AXDND1: variants seen among roughly 807,000 people sequenced by gnomAD.
AXDND1 encodes axonemal dynein light chain domain containing 1.
AXDND1 carries 110 observed loss-of-function variants against 137.5 expected under a neutral mutation model. The observed-to-expected ratio is 0.80, with a 90% CI of 0.69 to 0.94. The LOEUF is 0.94. Among genes scored for constraint, AXDND1 ranks in the 40% least tolerant of loss-of-function variants. AXDND1 has a pLI of 0.00. For missense variants in AXDND1, 1,191 were observed against 1,169.8 expected (o/e 1.02, Z -0.26); for synonymous variants, 414 against 399.7 (o/e 1.04, Z -0.43).
intron 17 of AXDND1, among the ~76,000 whole-genome samples, chr1:179,469,315 G>T (rs756901278): frequency 1.3e-5 from 2 of 152,038 alleles, no homozygotes; most frequent in Non-Finnish European, 2.9e-5. Context: ...TTTTTTCAAG[G>T]TTCATCCATG....
intron 25 of AXDND1, among the ~76,000 whole-genome samples, chr1:179,542,250 C>T (rs555011752): frequency 1.3e-5 from 2 of 152,130 alleles, no homozygotes; most frequent in Non-Finnish European, 2.9e-5. Flanking sequence ...TCATCTCCAA[C>T]CTGTGGTCTG....
At chr1:179,365,782 G>C (rs16853998), upstream of AXDND1, 70,434 of 152,232 alleles carry the variant, frequency 0.46, 16,421 homozygotes, top group East Asian at 0.52. Flanking sequence ...TGACAACGGC[G>C]GGATTAAACG....
Position 179,445,025 on chromosome 1 carries a change from A to G in AXDND1, c.1619A>G (p.Asp540Gly). 1 of 1,613,212 alleles carries G rather than the reference A, an allele frequency of 6.2e-7. No individual in the cohort carries two copies. The highest frequency in any genetic ancestry group is 8.5e-7 in the Non-Finnish European group (1 of 1,179,298). The change falls in exon 16 of 26, where the codon GAT (aspartate) becomes GGT (glycine). Residue 540 changes from aspartate to glycine, a missense_variant. By Grantham distance (94) the Asp-to-Gly change is moderately conservative. Coordinates refer to ENST00000367618, the MANE Select transcript of AXDND1 (RefSeq NM_144696.6). Reference sequence around the variant, plus strand: ...GGGGATGTTCTACTGTCAAAATACGATACTCTCAAGATTATTAAACATTTA... The same window carrying G: ...GGGGATGTTCTACTGTCAAAATACGGTACTCTCAAGATTATTAAACATTTA... ...FTGDVLLSKY[D>G]TLKIIKHLQE...
Position 179,517,972 on chromosome 1 carries a change from A to G in AXDND1, c.2497-7362A>G, listed in dbSNP as rs139514300. Among the ~76,000 whole-genome samples, 8 of 152,222 alleles carry G rather than the reference A, an allele frequency of 5.3e-5. No homozygotes were observed. In the East Asian group the frequency reaches 1.4e-3, roughly 26 times the overall value. On this transcript the variant is annotated intron_variant, in intron 21 of 25. Coordinates refer to ENST00000367618, the MANE Select transcript of AXDND1 (RefSeq NM_144696.6). Reference sequence around the variant, plus strand: ...TACAATCTAGTCCTACTTCCCATCCACCAGGATGATCTTCTCTTTTATCTG... The same window carrying G: ...TACAATCTAGTCCTACTTCCCATCCGCCAGGATGATCTTCTCTTTTATCTG...
At position 179,383,541 on chromosome 1, in the gene AXDND1, G is replaced by T; in HGVS notation, c.738G>T (p.Thr246=). The change falls in exon 8 of 26, where the codon ACG becomes ACT. Residue 246 remains threonine (T), a synonymous_variant. Coordinates refer to ENST00000367618, the MANE Select transcript of AXDND1 (RefSeq NM_144696.6). ...AAAATCAGGAATATACAGGACCAAC[G>T]AAGGTAATTGCAAAGCCGAATGCAA... ...GVENQEYTGP[T]KMHKLLHILK... 1 of 1,611,082 alleles carries T rather than the reference G, an allele frequency of 6.2e-7. No homozygotes were observed. The highest frequency in any genetic ancestry group is 8.5e-7 in the Non-Finnish European group (1 of 1,177,478).
rs915180714 is a variant in AXDND1, at chr1:179,505,654, AAAAAAAG to A, written c.2389-3629_2389-3623del. The stretch of plus-strand genomic sequence containing the variant: ...CAGAGCGAAACTCCATCTCAAAAAA[AAAAAAAG>A]AAAAAAGAAAAACAGAAAAAAATTG... On this transcript the variant is annotated intron_variant, in intron 20 of 25. Coordinates refer to ENST00000367618, the MANE Select transcript of AXDND1 (RefSeq NM_144696.6). Among the ~76,000 whole-genome samples, 27 of 152,248 alleles carry A rather than the reference AAAAAAAG, an allele frequency of 1.8e-4. No individual in the cohort carries two copies. In the South Asian group the frequency reaches 5.0e-3, roughly 28 times the overall value.
chr1:179,399,095 C>A (rs929719073), intron 11 of AXDND1, among the ~76,000 whole-genome samples: 1 of 152,060 alleles, frequency 6.6e-6, no homozygotes, highest in African/African-American at 2.4e-5. Context: ...TACATGTACT[C>A]ACATGTATAT....
At chr1:179,365,826 T>C (rs1571483768), upstream of AXDND1, 2 of 152,386 alleles carry the variant, frequency 1.3e-5, no homozygotes, top group Middle Eastern at 6.8e-3. Flanking sequence ...ACCTATGCTG[T>C]GACTTAGAAC....
intron 11 of AXDND1, among the ~76,000 whole-genome samples, chr1:179,405,491 G>A (rs1652815747): frequency 1.3e-5 from 2 of 152,146 alleles, no homozygotes; most frequent in South Asian, 2.1e-4. Context: ...TTGAGGAAAC[G>A]CCACATCGTC....
intron 11 of AXDND1, among the ~76,000 whole-genome samples, chr1:179,398,648 C>T (rs987859866): frequency 4.6e-5 from 7 of 152,140 alleles, no homozygotes; most frequent in Admixed American, 1.3e-4. Flanking sequence ...GTGGTCTTAG[C>T]ATGGGGGCAA....
chr1:179,381,930 G>A (rs528375089), intron 6 of AXDND1, among the ~76,000 whole-genome samples: 11 of 141,464 alleles, frequency 7.8e-5, no homozygotes, highest in Admixed American at 1.4e-4. Context: ...ACAGGCACGC[G>A]CCACCACACC....
At chr1:179,491,995 G>A (rs924793796) in intron 19 of AXDND1, among the ~76,000 whole-genome samples, 1 of 152,160 alleles carries the variant, frequency 6.6e-6, no homozygotes, top group Non-Finnish European at 1.5e-5. Flanking sequence ...TCACTTTCTT[G>A]CATAAATAAG....
At chr1:179,548,378 A>G (rs1417248799) in intron 25 of AXDND1, among the ~76,000 whole-genome samples, 3 of 152,212 alleles carry the variant, frequency 2.0e-5, no homozygotes, top group African/African-American at 7.2e-5. Flanking sequence ...ACACAGGATT[A>G]GTAATATGTC....
chr1:179,462,216 T>G (rs1266510985), intron 16 of AXDND1, among the ~76,000 whole-genome samples: 2 of 152,206 alleles, frequency 1.3e-5, no homozygotes, highest in African/African-American at 4.8e-5. Flanking sequence ...TTGAGATACA[T>G]CCTATCAATA....
At chr1:179,532,700 T>C (rs944938287) in intron 23 of AXDND1, among the ~76,000 whole-genome samples, 1 of 151,724 alleles carries the variant, frequency 6.6e-6, no homozygotes, top group Admixed American at 6.6e-5. Context: ...CTGGGCAACA[T>C]AGCAAGACCC....
intron 11 of AXDND1, among the ~76,000 whole-genome samples, chr1:179,410,217 G>A (rs537945004): frequency 1.1e-4 from 16 of 152,234 alleles, no homozygotes; most frequent in East Asian, 3.9e-4. Context: ...TACTTGTTAC[G>A]TTATAACTTC....
At chr1:179,474,769 C>G (rs547672179) in intron 17 of AXDND1, among the ~76,000 whole-genome samples, 1 of 152,264 alleles carries the variant, frequency 6.6e-6, no homozygotes, top group African/African-American at 2.4e-5. Flanking sequence ...ATAAAGACAG[C>G]TGCAGAAATT....
At chr1:179,551,857 C>T (rs1426066359) in intron 25 of AXDND1, 2 of 225,722 alleles carry the variant, frequency 8.9e-6, no homozygotes, top group South Asian at 7.1e-5. Flanking sequence ...GAGCTCACTA[C>T]ACAAATGCTA....
At chr1:179,536,976 T>C (rs1413087540) in intron 25 of AXDND1, among the ~76,000 whole-genome samples, 4 of 152,230 alleles carry the variant, frequency 2.6e-5, no homozygotes, top group Non-Finnish European at 5.9e-5. Flanking sequence ...TTGTAGCAAT[T>C]ATAAATGGGA....
Sources: allele counts gnomAD v4.1 joint callset (sites outside exome capture counted in the v4.1 genomes callset), GRCh38; gene constraint gnomAD v4.1.1; transcripts MANE v1.5; gene names NCBI Gene and HGNC (gene_info 2026-07-23, HGNC 2026-07-21).